The following MICAL3 variants were observed in gnomAD, a reference collection of about 807,000 sequenced individuals.
MICAL3 encodes [F-actin]-monooxygenase MICAL3.
Under a neutral mutation model 207.4 loss-of-function variants are expected in MICAL3, and 62 were observed. The observed-to-expected ratio is 0.30, with a 90% CI of 0.24 to 0.37. MICAL3 has a LOEUF of 0.37. Ranked by LOEUF, MICAL3 falls within the 10% of genes least tolerant of loss-of-function variation. The pLI, the probability that MICAL3 is intolerant of heterozygous loss-of-function variation, is 1.00. For missense variants in MICAL3, 2,368 were observed against 2,635.6 expected (o/e 0.90, Z 2.22); for synonymous variants, 1,077 against 1,069.3 (o/e 1.01, Z -0.14).
intron 16 of MICAL3, chr22:17,872,610 T>C (rs1602105181): frequency 4.7e-6 from 3 of 639,742 alleles, no homozygotes; most frequent in South Asian, 3.7e-5. Flanking sequence ...AATTTGGTTA[T>C]CAAAACCCAG....
At chr22:17,829,151 T>C (rs1266822738) in intron 21 of MICAL3, among the ~76,000 whole-genome samples, 4 of 150,888 alleles carry the variant, frequency 2.7e-5, no homozygotes, top group African/African-American at 9.8e-5. Context: ...GGACTTTTTC[T>C]GAGGTGAATT....
chr22:17,912,537 A>G (rs977186683), intron 1 of MICAL3, among the ~76,000 whole-genome samples: 1 of 152,186 alleles, frequency 6.6e-6, no homozygotes. Context: ...TTCACTGTAC[A>G]AGGCTTTCAC....
chr22:17,842,062 A>C, intron 19 of MICAL3, 45 bp from the exon 20 acceptor site: 52 of 1,536,220 alleles, frequency 3.4e-5, no homozygotes, highest in Non-Finnish European at 4.1e-5. Context: ...CCAACCACAG[A>C]CGGGGCGTGG....
intron 1 of MICAL3, among the ~76,000 whole-genome samples, chr22:18,022,563 G>C (rs1339758607): frequency 6.6e-6 from 1 of 151,978 alleles, no homozygotes; most frequent in Non-Finnish European, 1.5e-5. Context: ...CGAGTAGCTG[G>C]GACTACAGGC....
In MICAL3 at chr22:17,817,655, C is replaced by T. The variant is rs371833895; in HGVS notation, c.5006G>A (p.Ser1669Asn). ...CGACGGCGGGGAGAGGACCTCCTCG[C>T]TGGTGGCTTCATGCTTCAGGGTGGG... ...EEPTLKHEAT[S>N]EEVLSPPSDS... Residue 1669 changes from serine to asparagine, a missense_variant, in exon 26 of 32, where the codon AGC (serine) becomes AAC (asparagine). Physicochemically the swap from Ser to Asn is conservative, Grantham distance 46. Around this residue, in one of 4 missense-constraint regions of MICAL3, gnomAD observed 1,770 missense variants for 1,863.2 expected, o/e 0.95. Transcript: ENST00000441493. The T allele has an allele frequency of 9.3e-6, 15 of 1,612,098 alleles. No individual in the cohort carries two copies. The highest frequency in any genetic ancestry group is 1.3e-5 in the Non-Finnish European group (15 of 1,179,664).
chr22:17,836,510 G>A (rs1923385925), intron 20 of MICAL3, among the ~76,000 whole-genome samples: 1 of 152,154 alleles, frequency 6.6e-6, no homozygotes, highest in Admixed American at 6.5e-5. Flanking sequence ...CTGTCAGGGT[G>A]GCTACTGTCA....
chr22:17,800,288 T>C (rs1164761604), intron 29 of MICAL3, among the ~76,000 whole-genome samples: 2 of 152,168 alleles, frequency 1.3e-5, no homozygotes, highest in African/African-American at 4.8e-5. Flanking sequence ...GTATTTTCAA[T>C]CAGTTTTAGA....
chr22:17,818,600 G>C lies in MICAL3; in HGVS notation c.4061C>G (p.Pro1354Arg). The change falls in exon 26 of 32, where the codon CCC becomes CGC. Residue 1354 changes from proline (P) to arginine (R), a missense_variant. By Grantham distance (103) the Pro-to-Arg change is moderately radical. Transcript: ENST00000441493. ...GGACACTGGCCTGAAGGCAGGCGTG[G>C]GGAAGCTGGGCTCGGGCCCCTTGCT... The part of the protein sequence containing the change: ...DRSKGPEPSF[P>R]TPAFRPVSLK... 1.2e-6 allele frequency: 2 copies of C among 1,613,654 alleles called. No individual in the cohort carries two copies. Among genetic ancestry groups the C allele is most frequent in the Non-Finnish European group, 8.5e-7 (1 of 1,179,898 alleles).
At position 17,999,752 on chromosome 22, in the gene MICAL3, C is replaced by G. The variant is rs1057249385; in HGVS notation, c.-75+24529G>C. ...CAAATAAACAGCCTTGACTGAGGAA[C>G]CAGGTCTGAGTTCTAAAGTATCCTT... is the stretch of plus-strand genomic sequence containing the variant. On this transcript the variant is annotated intron_variant, in intron 1 of 31. Transcript: ENST00000441493. Among the ~76,000 whole-genome samples, 3 of 152,194 alleles carry G rather than the reference C, an allele frequency of 2.0e-5. No homozygotes were observed. The South Asian group carries it at 6.2e-4, about 31-fold the overall frequency.
At chr22:17,805,224 T>A (rs1160583857) in intron 29 of MICAL3, among the ~76,000 whole-genome samples, 1 of 152,164 alleles carries the variant, frequency 6.6e-6, no homozygotes, top group Non-Finnish European at 1.5e-5. Flanking sequence ...GCCACTGCCT[T>A]CTTCAGGGCT....
chr22:17,916,328 A>G (rs1255266727), intron 1 of MICAL3, among the ~76,000 whole-genome samples: 1 of 151,750 alleles, frequency 6.6e-6, no homozygotes, highest in Non-Finnish European at 1.5e-5. Context: ...TGCCTCCCAC[A>G]CTGGTCCCTT....
At chr22:17,890,614 G>A (rs572823283) in intron 12 of MICAL3, among the ~76,000 whole-genome samples, 1 of 152,290 alleles carries the variant, frequency 6.6e-6, no homozygotes, top group African/African-American at 2.4e-5. Flanking sequence ...CACTGCACAA[G>A]GCTATTTTTA....
rs576444266 is a variant in MICAL3, at chr22:17,861,350, T to A, written c.2605+3549A>T. On this transcript the variant is annotated intron_variant, in intron 19 of 31. Transcript: ENST00000441493. ...ACTGCCACTTGTGACCTTCATTTTT[T>A]AACTTCAGATCATCTTTTCCATAAG... 12 of 985,474 alleles carry A rather than the reference T, an allele frequency of 1.2e-5. No individual in the cohort carries two copies. In the South Asian group the frequency reaches 4.2e-4, roughly 35 times the overall value. 61.0% of individuals were successfully genotyped at this position (985,474 alleles called of 1,614,324 possible). A position where few individuals can be genotyped will look rare whatever the true frequency, so the allele number is the denominator to read the frequency against.
In MICAL3 at chr22:17,950,166, A is replaced by ATTTTTTTTTTTTTTTTTTTT. The variant is rs10657913; in HGVS notation, c.-74-43281_-74-43280insAAAAAAAAAAAAAAAAAAAA. 3.7e-3 allele frequency among the ~76,000 whole-genome samples: 534 copies of ATTTTTTTTTTTTTTTTTTTT among 143,860 alleles called. 11 individuals are homozygous for ATTTTTTTTTTTTTTTTTTTT. Among genetic ancestry groups the ATTTTTTTTTTTTTTTTTTTT allele is most frequent in the African/African-American group, 0.013 (500 of 37,674 alleles). 94.4% of individuals were successfully genotyped at this position (143,860 alleles called of 152,430 possible). A position where few individuals can be genotyped will look rare whatever the true frequency, so the allele number is the denominator to read the frequency against. ...GGTCATTCACAGGGTACAGCTGTCTATTTTTTTTTTTGGAGACAAGAGTCT... is the reference window on the plus strand; with the variant it reads ...GGTCATTCACAGGGTACAGCTGTCTATTTTTTTTTTTTTTTTTTTTTTTTTTTTTTTGGAGACAAGAGTCT... On this transcript the variant is annotated intron_variant, in intron 1 of 31. Coordinates refer to ENST00000441493, the MANE Select transcript of MICAL3 (RefSeq NM_015241.3).
intron 16 of MICAL3, among the ~76,000 whole-genome samples, chr22:17,874,673 T>C (rs946017794): frequency 1.3e-5 from 2 of 152,200 alleles, no homozygotes; most frequent in Non-Finnish European, 2.9e-5. Context: ...TCATAAAAAA[T>C]AGCAGAAATG....
rs76786667 is a variant in MICAL3, at chr22:17,853,170, A to G, written c.2606-11153T>C. ...TAGTGAAGAGCCCCTAGGGTGTCAT[A>G]GAATCAGTAGGTGACTTCACATCCC... On this transcript the variant is annotated intron_variant, in intron 19 of 31. Transcript: ENST00000441493. Among the ~76,000 whole-genome samples the G allele has an allele frequency of 5.9e-3, 902 of 152,302 alleles. 10 individuals are homozygous for G. Among genetic ancestry groups the G allele is most frequent in the African/African-American group, 0.021 (869 of 41,544 alleles).
Position 17,822,957 on chromosome 22 carries a change from C to T in MICAL3, c.3297G>A (p.Glu1099=), listed in dbSNP as rs2146022174. Residue 1099 remains glutamate (E), a synonymous_variant, in exon 23 of 32, where the codon GAG becomes GAA. Coordinates refer to ENST00000441493, the MANE Select transcript of MICAL3 (RefSeq NM_015241.3). The part of the protein sequence containing the change: ...EDGDPGDTGA[E]LDDDQHWSDS... ...AGGGCGGACCCCTACCATCATCCAG[C>T]TCAGCACCAGTGTCCCCTGGGTCCC... 6.2e-7 allele frequency: 1 copy of T among 1,611,382 alleles called. No individual in the cohort carries two copies. The highest frequency in any genetic ancestry group is 1.7e-5 in the Admixed American group (1 of 59,964).
intron 1 of MICAL3, among the ~76,000 whole-genome samples, chr22:18,021,811 G>A (rs1207569621): frequency 2.0e-5 from 3 of 152,130 alleles, no homozygotes; most frequent in Non-Finnish European, 4.4e-5. Flanking sequence ...GTCCACATTG[G>A]GTGGGTTGTG....
intron 1 of MICAL3, among the ~76,000 whole-genome samples, chr22:17,914,809 AGTAT>A (rs1438318539): frequency 6.6e-6 from 1 of 152,228 alleles, no homozygotes; most frequent in East Asian, 1.9e-4. Flanking sequence ...GTGCTAACAC[AGTAT>A]GTATCAGTTG....
Sources: allele counts gnomAD v4.1 joint callset (sites outside exome capture counted in the v4.1 genomes callset), GRCh38; gene constraint gnomAD v4.1.1; regional missense constraint gnomAD v4.1.1; transcripts MANE v1.5; gene names NCBI Gene and HGNC (gene_info 2026-07-23, HGNC 2026-07-21).